The following LOC114841035 variants were observed in gnomAD, a reference collection of about 807,000 sequenced individuals.
the LOC114841035 span, chr11:64,242,232 C>A: frequency 1.4e-6 from 1 of 710,324 alleles, no homozygotes; most frequent in Non-Finnish European, 2.1e-6. Flanking sequence ...GGCCCCGGAG[C>A]CCGGGGGAGA....
At chr11:64,244,012 C>G in the LOC114841035 span, 4 of 1,613,818 alleles carry the variant, frequency 2.5e-6, no homozygotes, top group Admixed American at 6.7e-5. Flanking sequence ...CAAAATAGAG[C>G]GACGAACTGA....
chr11:64,242,944 C>G, the LOC114841035 span, among the ~76,000 whole-genome samples: 10 of 152,180 alleles, frequency 6.6e-5, no homozygotes, highest in Middle Eastern at 3.2e-3. Flanking sequence ...TGGTGGCGGG[C>G]GCCTATAATC....
the LOC114841035 span, chr11:64,243,378 G>T: frequency 6.2e-7 from 1 of 1,607,198 alleles, no homozygotes; most frequent in Non-Finnish European, 8.5e-7. Flanking sequence ...GGTAAGCTGT[G>T]GGAGGCAAGC....
chr11:64,242,524 C>A, the LOC114841035 span: 1 of 1,550,774 alleles, frequency 6.4e-7, no homozygotes, highest in Non-Finnish European at 8.7e-7. Context: ...CCCATCAAAT[C>A]GCGCAAAGGG....
chr11:64,242,479 T>C, the LOC114841035 span: 1 of 1,553,122 alleles, frequency 6.4e-7, no homozygotes, highest in East Asian at 2.5e-5. Context: ...AAAAGGAAGC[T>C]GCAGATCGGG....
chr11:64,242,569 T>C, the LOC114841035 span: 3 of 1,527,804 alleles, frequency 2.0e-6, no homozygotes, highest in Non-Finnish European at 1.7e-6. Flanking sequence ...GTGAGTGGGT[T>C]GGGCGGGCCT....
the LOC114841035 span, chr11:64,244,109 A>C: frequency 6.1e-6 from 9 of 1,479,974 alleles, no homozygotes; most frequent in African/African-American, 1.4e-5. Flanking sequence ...ACAAAAACAA[A>C]CAAAAAAACA....
chr11:64,243,496 AG>A, the LOC114841035 span: 1 of 1,613,708 alleles, frequency 6.2e-7, no homozygotes, highest in South Asian at 1.1e-5. Flanking sequence ...CATCCGAGCT[AG>A]GTAAGAGGCC....
the LOC114841035 span, chr11:64,243,724 T>TC: frequency 2.1e-6 from 3 of 1,424,126 alleles, no homozygotes; most frequent in Non-Finnish European, 3.0e-6. Context: ...CCTTCCCATC[T>TC]CCATTACCCT....
chr11:64,242,436 A>G, the LOC114841035 span: 1 of 1,552,036 alleles, frequency 6.4e-7, no homozygotes, highest in Non-Finnish European at 8.7e-7. Context: ...CATCTGCCTG[A>G]GCGCCGTGGC....
At chr11:64,243,318 C>T in the LOC114841035 span, 1 of 1,600,810 alleles carries the variant, frequency 6.2e-7, no homozygotes, top group Non-Finnish European at 8.5e-7. Context: ...TGGGGTGAGT[C>T]ATGGGGGAAT....
chr11:64,242,701 C>A, the LOC114841035 span: 2 of 904,868 alleles, frequency 2.2e-6, no homozygotes, highest in Non-Finnish European at 3.2e-6. Flanking sequence ...ATGGTTCTGC[C>A]TTGCCCTTGC....
the LOC114841035 span, chr11:64,243,596 T>G: frequency 6.9e-7 from 1 of 1,450,906 alleles, no homozygotes; most frequent in Non-Finnish European, 9.6e-7. Context: ...CCGTATCCAT[T>G]CATTACAATA....
At chr11:64,244,067 G>A in the LOC114841035 span, 10,143 of 1,602,166 alleles carry the variant, frequency 6.3e-3, 52 homozygotes, top group Non-Finnish European at 7.9e-3. Context: ...GCCCCCATCA[G>A]GGACCAGACT....
At chr11:64,241,739 C>T in the LOC114841035 span, 1 of 152,410 alleles carries the variant, frequency 6.6e-6, no homozygotes, top group Non-Finnish European at 1.5e-5. Flanking sequence ...GAGAACTCCA[C>T]CGGGAGAGGT....
At chr11:64,243,721 A>G in the LOC114841035 span, 24 of 1,411,652 alleles carry the variant, frequency 1.7e-5, no homozygotes, top group Admixed American at 4.0e-4. Context: ...CCCCCTTCCC[A>G]TCTCCATTAC....
At chr11:64,242,404 T>C in the LOC114841035 span, 2 of 1,543,294 alleles carry the variant, frequency 1.3e-6, no homozygotes, top group Admixed American at 4.3e-5. Context: ...CTGAGCTGGT[T>C]CCGGGTCCTG....
chr11:64,243,406 AGGGCCCT>A, the LOC114841035 span: 1 of 1,612,392 alleles, frequency 6.2e-7, no homozygotes, highest in South Asian at 1.1e-5. Flanking sequence ...ATACAAGACA[AGGGCCCT>A]GGGTGCTGCC....
the LOC114841035 span, chr11:64,243,752 C>T: frequency 7.7e-6 from 12 of 1,561,430 alleles, no homozygotes; most frequent in South Asian, 1.1e-5. Context: ...TTCTGGCCTT[C>T]TTGCTGAGAG....
Sources: gnomAD v4.1 joint callset for allele counts (sites outside exome capture counted in the v4.1 genomes callset) on GRCh38, gnomAD v4.1.1 for gene constraint, MANE v1.5 for transcripts.